CLNK: variants seen among roughly 807,000 people sequenced by gnomAD.
CLNK encodes the protein cytokine-dependent hematopoietic cell linker.
A neutral mutation model predicts 68.6 loss-of-function variants in CLNK; 74 were observed. The ratio of observed to expected loss-of-function variants is 1.08; its 90% CI spans 0.89 to 1.31. The LOEUF (loss-of-function observed/expected upper bound fraction) is 1.31, where lower values mean the gene tolerates loss of function less well. CLNK is among the 50% of genes most tolerant of loss of function. The pLI is 0.00. For missense variants in CLNK, 553 were observed against 515.3 expected, an observed-to-expected ratio of 1.07 and a Z score of -0.71; for synonymous variants, 198 against 172.2, an observed-to-expected ratio of 1.15 and a Z score of -1.17.
chr4:10,536,562 C>T (rs1186933078), intron 11 of CLNK, among the ~76,000 whole-genome samples: 1 of 152,190 alleles, frequency 6.6e-6, no homozygotes, highest in East Asian at 1.9e-4. Flanking sequence ...AGTTACCTAA[C>T]TTCTCTGAAG....
At chr4:10,564,586 C>T in intron 7 of CLNK, 85 bp downstream of exon 7, 1 of 914,774 alleles carries the variant, frequency 1.1e-6, no homozygotes, top group Non-Finnish European at 1.8e-6. Context: ...ATAAGATGGC[C>T]TGGGGGACAG....
At chr4:10,664,864 TTC>T (rs781461106) in intron 2 of CLNK, among the ~76,000 whole-genome samples, 26 of 152,352 alleles carry the variant, frequency 1.7e-4, no homozygotes, top group Admixed American at 1.3e-4. Flanking sequence ...GCTTATGCAT[TTC>T]TCTTTAATGT....
chr4:10,596,435 C>T lies in CLNK; in HGVS notation c.83+1543G>A, dbSNP rs886809916. ...GAGGTTGAAATCCTGATTCAATGGA[C>T]TCATTCTACACTGCAATGCTGCCCA... On this transcript the variant is annotated intron_variant, in intron 3 of 18. Transcript: ENST00000226951. 3.9e-5 allele frequency among the ~76,000 whole-genome samples: 6 copies of T among 152,188 alleles called. No homozygotes were observed. In the East Asian group the frequency reaches 1.2e-3, roughly 29 times the overall value.
chr4:10,672,441 G>C (rs970302301), intron 1 of CLNK, among the ~76,000 whole-genome samples: 10 of 152,118 alleles, frequency 6.6e-5, no homozygotes, highest in Admixed American at 2.0e-4. Context: ...CTCTTATGAA[G>C]ATTACATGAA....
chr4:10,697,127 A>C, the CLNK span: 1 of 152,204 alleles, frequency 6.6e-6, no homozygotes, highest in Non-Finnish European at 1.5e-5. Context: ...CCACAGGTGA[A>C]TGGTTCCAGA....
intron 16 of CLNK, among the ~76,000 whole-genome samples, chr4:10,510,255 T>G (rs1318298408): frequency 2.0e-5 from 3 of 152,136 alleles, no homozygotes; most frequent in Non-Finnish European, 4.4e-5. Context: ...CCCCTTCTAA[T>G]TCTCTTTCTA....
At chr4:10,499,829 G>T (rs67308128) in intron 18 of CLNK, among the ~76,000 whole-genome samples, 1 of 152,068 alleles carries the variant, frequency 6.6e-6, no homozygotes. Context: ...TCACATGGTC[G>T]CCCCTCTGTG....
rs185062583 is a variant in CLNK at position 10,613,736 on chromosome 4, T to A, written c.12-15687A>T. Among the ~76,000 whole-genome samples the A allele has an allele frequency of 3.9e-5, 6 of 152,310 alleles. No homozygotes were observed. In the East Asian group the frequency reaches 9.6e-4, roughly 24 times the overall value. On this transcript the variant is annotated intron_variant, in intron 2 of 18. Transcript: ENST00000226951. ...AACAGGGTGGGAGCAGGGGAGGTGT[T>A]ACTCTCTTTGTAGTAGCTGAGACTT... is the stretch of plus-strand genomic sequence containing the variant.
intron 3 of CLNK, among the ~76,000 whole-genome samples, chr4:10,586,200 C>G (rs1350532241): frequency 6.6e-6 from 1 of 152,110 alleles, no homozygotes; most frequent in African/African-American, 2.4e-5. Flanking sequence ...GGTTCGTGGC[C>G]TGGGTGTTGG....
intron 1 of CLNK, among the ~76,000 whole-genome samples, chr4:10,675,416 G>T (rs1233381564): frequency 6.6e-6 from 1 of 152,106 alleles, no homozygotes; most frequent in Non-Finnish European, 1.5e-5. Context: ...TATCCTTATG[G>T]TATCACAAGC....
At chr4:10,700,831 G>A in the CLNK span, among the ~76,000 whole-genome samples, 18 of 152,132 alleles carry the variant, frequency 1.2e-4, no homozygotes, top group South Asian at 2.1e-4. Flanking sequence ...CACAAGTGCC[G>A]TTGTGAAATG....
chr4:10,679,986 A>G (rs1725030817), intron 1 of CLNK, among the ~76,000 whole-genome samples: 2 of 152,176 alleles, frequency 1.3e-5, no homozygotes, highest in Admixed American at 1.3e-4. Flanking sequence ...AGAACTAGAA[A>G]TACCATTTGA....
chr4:10,531,681 T>C (rs556369599), intron 12 of CLNK: 1 of 455,596 alleles, frequency 2.2e-6, no homozygotes, highest in African/African-American at 2.0e-5. Flanking sequence ...CCTCAGGTGA[T>C]CCGCCCACCT....
chr4:10,640,410 C>T (rs1560257278), intron 2 of CLNK, among the ~76,000 whole-genome samples: 1 of 152,216 alleles, frequency 6.6e-6, no homozygotes, highest in Non-Finnish European at 1.5e-5. Context: ...AGGTGATCCT[C>T]CCGCATCAGT....
chr4:10,610,041 T>G (rs1308999896), intron 2 of CLNK, among the ~76,000 whole-genome samples: 2 of 1,564 alleles, frequency 1.3e-3, no homozygotes, highest in Non-Finnish European at 0.012. Flanking sequence ...TCGTTTTTTT[T>G]TTTTTTTTTT....
At chr4:10,545,434 A>C (rs1336167860) in intron 8 of CLNK, among the ~76,000 whole-genome samples, 2 of 152,164 alleles carry the variant, frequency 1.3e-5, no homozygotes, top group African/African-American at 4.8e-5. Context: ...TTCTGTGCAC[A>C]CTGGAGCAAG....
chr4:10,552,631 CCAAT>C (rs778402445), intron 8 of CLNK, among the ~76,000 whole-genome samples: 1 of 152,048 alleles, frequency 6.6e-6, no homozygotes, highest in African/African-American at 2.4e-5. Context: ...CATCTCCACC[CCAAT>C]CAATCAGCAG....
chr4:10,648,792 C>G (rs987439370), intron 2 of CLNK, among the ~76,000 whole-genome samples: 1 of 152,076 alleles, frequency 6.6e-6, no homozygotes, highest in African/African-American at 2.4e-5. Context: ...CACAGAAGCT[C>G]AGTACTAATA....
chr4:10,711,721 G>C, the CLNK span, among the ~76,000 whole-genome samples: 1 of 152,196 alleles, frequency 6.6e-6, no homozygotes, highest in Admixed American at 6.5e-5. Flanking sequence ...ACTTGACTTT[G>C]CCAATAAACT....
Sources: allele counts gnomAD v4.1 joint callset (sites outside exome capture counted in the v4.1 genomes callset), GRCh38; gene constraint gnomAD v4.1.1; transcripts MANE v1.5; gene names NCBI Gene and HGNC (gene_info 2026-07-23, HGNC 2026-07-21).